AGBL1: variants seen among roughly 807,000 people sequenced by gnomAD.
The protein encoded by AGBL1 is AGBL carboxypeptidase 1, also known as cytosolic carboxypeptidase 4.
A neutral mutation model predicts 118.9 loss-of-function variants in AGBL1; 130 were observed. That is an observed-to-expected ratio of 1.09 (90% CI 0.95 to 1.26). The LOEUF (loss-of-function observed/expected upper bound fraction) is 1.26. Ranked by LOEUF, AGBL1 falls within the 50% of genes most tolerant of loss-of-function variation. AGBL1 has a pLI of 0.00. For missense variants in AGBL1, 1,584 were observed against 1,298.1 expected (o/e 1.22, Z -3.38); for synonymous variants, 555 against 478.9 (o/e 1.16, Z -2.08).
intron 24 of AGBL1, among the ~76,000 whole-genome samples, chr15:86,996,565 G>C (rs911436271): frequency 2.0e-5 from 3 of 152,182 alleles, no homozygotes; most frequent in Non-Finnish European, 4.4e-5. Context: ...AGGTGCCACT[G>C]TACTCCAGCC....
chr15:86,858,361 T>C (rs989342682), intron 22 of AGBL1, among the ~76,000 whole-genome samples: 6 of 152,180 alleles, frequency 3.9e-5, no homozygotes, highest in Admixed American at 1.3e-4. Context: ...CAAAGCGTTA[T>C]TCCTTTAACA....
At chr15:86,108,322 T>C (rs1897169320) in intron 1 of AGBL1, among the ~76,000 whole-genome samples, 1 of 152,222 alleles carries the variant, frequency 6.6e-6, no homozygotes, top group African/African-American at 2.4e-5. Context: ...GTCTTCTGTT[T>C]AAGGGCATGG....
chr15:86,087,332 C>CTTTT (rs565797859), intron 1 of AGBL1, among the ~76,000 whole-genome samples: 1 of 135,520 alleles, frequency 7.4e-6, no homozygotes, highest in African/African-American at 2.7e-5. Flanking sequence ...ATTTAATGGG[C>CTTTT]TTTTTTTTTT....
chr15:86,351,420 A>G (rs2080624676), intron 17 of AGBL1, among the ~76,000 whole-genome samples: 1 of 152,178 alleles, frequency 6.6e-6, no homozygotes, highest in Admixed American at 6.5e-5. Flanking sequence ...TATTCAAATG[A>G]TAGTACCTGC....
intron 19 of AGBL1, among the ~76,000 whole-genome samples, chr15:86,543,067 A>G (rs1175673941): frequency 2.0e-5 from 3 of 151,918 alleles, no homozygotes; most frequent in East Asian, 1.9e-4. Context: ...GCTGTTTTCT[A>G]TTTTTTCATG....
At chr15:86,374,190 G>T (rs2081006144) in intron 17 of AGBL1, among the ~76,000 whole-genome samples, 1 of 152,162 alleles carries the variant, frequency 6.6e-6, no homozygotes, top group African/African-American at 2.4e-5. Flanking sequence ...TAATCCGCAG[G>T]TCTCTCCAAT....
At chr15:86,292,378 G>T (rs906304672) in intron 16 of AGBL1, among the ~76,000 whole-genome samples, 2 of 152,118 alleles carry the variant, frequency 1.3e-5, no homozygotes, top group African/African-American at 2.4e-5. Flanking sequence ...AGCTAGAAAA[G>T]GCAAGGGAAG....
chr15:86,571,097 G>T lies in AGBL1; in HGVS notation c.2994+16560G>T, dbSNP rs568415233. Among the ~76,000 whole-genome samples the T allele has an allele frequency of 2.6e-5, 4 of 152,300 alleles. No individual in the cohort carries two copies. The South Asian group carries it at 8.3e-4, about 32-fold the overall frequency. ...GGCTGGACCGGCTACACCACAAGCA[G>T]CTTCCCTGGCTGGCACTGGGGAATA... On this transcript the variant is annotated intron_variant, in intron 21 of 22. Transcript: ENST00000614907.
intron 6 of AGBL1, among the ~76,000 whole-genome samples, chr15:86,226,396 C>A (rs1158905095): frequency 1.3e-5 from 2 of 152,208 alleles, no homozygotes; most frequent in East Asian, 1.9e-4. Context: ...TCTCTCAAAT[C>A]CCCCCAGCCC....
chr15:86,598,625 G>A (rs1291642724), intron 21 of AGBL1, among the ~76,000 whole-genome samples: 4 of 152,068 alleles, frequency 2.6e-5, no homozygotes, highest in East Asian at 3.9e-4. Flanking sequence ...GCCAGAGTTA[G>A]GGATCACTCT....
intron 17 of AGBL1, among the ~76,000 whole-genome samples, chr15:86,311,878 C>A (rs977133107): frequency 6.6e-6 from 1 of 152,208 alleles, no homozygotes; most frequent in African/African-American, 2.4e-5. Flanking sequence ...CAAGATGGAA[C>A]TTCTAAATTG....
intron 22 of AGBL1, among the ~76,000 whole-genome samples, chr15:86,792,476 GC>G (rs2078508691): frequency 6.6e-6 from 1 of 152,134 alleles, no homozygotes; most frequent in African/African-American, 2.4e-5. Context: ...ATTGAGAGTG[GC>G]CTGTAAGATT....
At chr15:86,716,323 G>A (rs1435925583) in intron 22 of AGBL1, among the ~76,000 whole-genome samples, 1 of 152,062 alleles carries the variant, frequency 6.6e-6, no homozygotes, top group Non-Finnish European at 1.5e-5. Context: ...GCTGCATGGG[G>A]GAAATCTGAA....
chr15:86,214,154 T>G (rs1421180370), intron 5 of AGBL1, among the ~76,000 whole-genome samples: 8 of 152,248 alleles, frequency 5.3e-5, no homozygotes, highest in African/African-American at 1.7e-4. Flanking sequence ...TTGTCTTCAA[T>G]GTGCTCTTTA....
intron 21 of AGBL1, among the ~76,000 whole-genome samples, chr15:86,666,755 C>A (rs2085652072): frequency 6.6e-6 from 1 of 152,152 alleles, no homozygotes; most frequent in Non-Finnish European, 1.5e-5. Flanking sequence ...ATTATCTCAG[C>A]AACTCCATGA....
At chr15:86,811,764 A>G (rs2078793703) in intron 22 of AGBL1, among the ~76,000 whole-genome samples, 2 of 152,360 alleles carry the variant, frequency 1.3e-5, no homozygotes, top group African/African-American at 4.8e-5. Flanking sequence ...AGATGTGACA[A>G]GTGTTATGAG....
intron 22 of AGBL1, among the ~76,000 whole-genome samples, chr15:86,814,110 A>G (rs1000004947): frequency 2.6e-5 from 4 of 152,138 alleles, no homozygotes; most frequent in African/African-American, 9.7e-5. Context: ...CCTATTAGGA[A>G]GCAGGCCCCA....
chr15:86,276,837 G>T (rs1272893127), intron 15 of AGBL1, among the ~76,000 whole-genome samples: 2 of 152,222 alleles, frequency 1.3e-5, no homozygotes, highest in Non-Finnish European at 2.9e-5. Flanking sequence ...GAAACGAAAA[G>T]AACTTGTTGA....
chr15:86,524,257 G>A (rs138460731), intron 19 of AGBL1, among the ~76,000 whole-genome samples: 53 of 152,308 alleles, frequency 3.5e-4, no homozygotes, highest in African/African-American at 8.9e-4. Context: ...TGTTGAAAGC[G>A]TGTGTTGGGG....
Sources: gnomAD v4.1 joint callset for allele counts (sites outside exome capture counted in the v4.1 genomes callset) on GRCh38, gnomAD v4.1.1 for gene constraint, MANE v1.5 for transcripts, NCBI Gene and HGNC (gene_info 2026-07-23, HGNC 2026-07-21) for gene names.